PTCRA: variants seen among roughly 807,000 people sequenced by gnomAD.
The protein encoded by PTCRA is pre T cell antigen receptor alpha.
A neutral mutation model predicts 13.4 loss-of-function variants in PTCRA; 9 were observed. The ratio of observed to expected loss-of-function variants is 0.67; its 90% CI spans 0.41 to 1.18. The LOEUF (loss-of-function observed/expected upper bound fraction) is 1.18. Ranked by LOEUF, PTCRA falls within the 50% of genes most tolerant of loss-of-function variation. PTCRA has a pLI of 0.01. For missense variants in PTCRA, 353 were observed against 359.8 expected (o/e 0.98, Z 0.15); for synonymous variants, 153 against 161.9 (o/e 0.94, Z 0.42).
intron 1 of PTCRA, among the ~76,000 whole-genome samples, chr6:42,922,750 A>AG (rs1207149066): frequency 6.6e-6 from 1 of 151,174 alleles, no homozygotes; most frequent in Admixed American, 6.6e-5. Context: ...AAAAAAAAAA[A>AG]AAAGAAAGAA....
chr6:42,925,223 C>A lies in PTCRA; in HGVS notation c.425-38C>A, dbSNP rs368405128. ...CGTTCTCTCCTGGGGTAGGGGGCTG[C>A]GGGCTCCTGCGGGCTCCTGAGCGGT... On this transcript the variant is annotated intron_variant, in intron 3 of 3. Coordinates refer to ENST00000304672, the MANE Select transcript of PTCRA (RefSeq NM_138296.3). The surrounding 1 kb of genome is among the most constrained non-coding windows in gnomAD (Gnocchi z 4.4). 3 of 1,552,764 alleles carry A rather than the reference C, an allele frequency of 1.9e-6. No homozygotes were observed. Among genetic ancestry groups the A allele is most frequent in the Admixed American group, 1.8e-5 (1 of 54,078 alleles).
At chr6:42,922,197 C>T in intron 1 of PTCRA, 1 of 699,516 alleles carries the variant, frequency 1.4e-6, no homozygotes, top group Non-Finnish European at 2.6e-6. Flanking sequence ...ATATTTGAAG[C>T]CCCTTCTAAT....
chr6:42,925,288 G>A lies in PTCRA; in HGVS notation c.452G>A (p.Gly151Glu). 2 of 1,590,602 alleles carry A rather than the reference G, an allele frequency of 1.3e-6. No individual in the cohort carries two copies. The highest frequency in any genetic ancestry group is 1.7e-6 in the Non-Finnish European group (2 of 1,175,562). The change falls in exon 4 of 4, where the codon GGG (glycine) becomes GAG (glutamate). Residue 151 changes from glycine to glutamate, a missense_variant. Transcript: ENST00000304672. This position sits in a 1 kb window ranked among gnomAD's most constrained non-coding sequence, Gnocchi z 4.4. Reference sequence around the variant, plus strand: ...ACACCGGGTGGGGCGCTGTGGCTGGGGGTCCTGCGGCTGCTGCTCTTCAAG... The same window carrying A: ...ACACCGGGTGGGGCGCTGTGGCTGGAGGTCCTGCGGCTGCTGCTCTTCAAG... ...RGTPGGALWL[G>E]VLRLLLFKLL...
At chr6:42,920,463 C>T (rs961827542) in intron 1 of PTCRA, among the ~76,000 whole-genome samples, 4 of 151,298 alleles carry the variant, frequency 2.6e-5, no homozygotes, top group Non-Finnish European at 4.4e-5. Context: ...CTTGCTCTGT[C>T]GCCCAGGCTG....
chr6:42,923,505 C>A (rs1767291777), intron 2 of PTCRA, among the ~76,000 whole-genome samples, 158 bp downstream of exon 2: 1 of 152,174 alleles, frequency 6.6e-6, no homozygotes. Context: ...GGGAGAGTGG[C>A]CTCAGGGCCA....
At position 42,916,143 on chromosome 6, in the gene PTCRA, G is replaced by T; in HGVS notation, c.58+16G>T. 6.2e-7 allele frequency: 1 copy of T among 1,613,040 alleles called. No individual in the cohort carries two copies. Among genetic ancestry groups the T allele is most frequent in the Non-Finnish European group, 8.5e-7 (1 of 1,179,132 alleles). On this transcript the variant is annotated intron_variant, in intron 1 of 3. Coordinates refer to ENST00000304672, the MANE Select transcript of PTCRA (RefSeq NM_138296.3). ...CTACCCACAGGTGAGCCCCCTCTTT[G>T]CCTTCCTCTCTGTCCCTCCTCAGTC...
chr6:42,917,904 A>G (rs910306945), intron 1 of PTCRA, among the ~76,000 whole-genome samples: 2 of 152,154 alleles, frequency 1.3e-5, no homozygotes, highest in East Asian at 3.9e-4. Flanking sequence ...TTGTTCCTTC[A>G]ACCTAAATAA....
chr6:42,923,318 G>A lies in PTCRA; in HGVS notation c.350G>A (p.Ser117Asn), dbSNP rs748599249. 5.0e-6 allele frequency: 8 copies of A among 1,614,184 alleles called. No individual in the cohort carries two copies. In the East Asian group the frequency reaches 6.7e-5, roughly 13 times the overall value. Residue 117 changes from serine to asparagine, a missense_variant, in exon 2 of 4, where the codon AGC becomes AAC. Physicochemically the swap from Ser to Asn is conservative, Grantham distance 46 (BLOSUM62 1). Transcript: ENST00000304672. ...CHTGPGAEGHSRSTQPMHLSG... is the reference protein window; with the variant it reads ...CHTGPGAEGHNRSTQPMHLSG... ...ACTGGGCCTGGGGCTGAGGGTCACA[G>A]CAGGAGTACACAGCCCATGCATCTG...
chr6:42,918,828 C>T (rs182916312), intron 1 of PTCRA, among the ~76,000 whole-genome samples: 6,440 of 145,434 alleles, frequency 0.044, 444 homozygotes, highest in African/African-American at 0.15. Flanking sequence ...CTCGCACTGT[C>T]GCCCAGGCTG....
At chr6:42,920,428 A>G (rs1697150033) in intron 1 of PTCRA, among the ~76,000 whole-genome samples, 1 of 151,382 alleles carries the variant, frequency 6.6e-6, no homozygotes, top group African/African-American at 2.4e-5. Flanking sequence ...TCTTTCTTTT[A>G]TTTTTATTTT....
chr6:42,917,954 A>T (rs1471928382), intron 1 of PTCRA, among the ~76,000 whole-genome samples: 1 of 152,068 alleles, frequency 6.6e-6, no homozygotes, highest in African/African-American at 2.4e-5. Context: ...AACAAAACAA[A>T]CAAAAAGAGT....
chr6:42,924,326 G>A, intron 3 of PTCRA, 53 bp downstream of exon 3: 2 of 1,544,786 alleles, frequency 1.3e-6, no homozygotes, highest in Non-Finnish European at 1.8e-6. Flanking sequence ...CAGGACCTTG[G>A]GCCCGGGGGG....
chr6:42,921,006 AG>A (rs561701462), intron 1 of PTCRA, among the ~76,000 whole-genome samples: 1,796 of 152,004 alleles, frequency 0.012, 9 homozygotes, highest in Non-Finnish European at 0.017. Flanking sequence ...CATGTTGGCC[AG>A]GGTGTTCTCG....
Position 42,924,265 on chromosome 6 carries a change from C to G in PTCRA, c.416C>G (p.Pro139Arg), listed in dbSNP as rs1472406155. The change falls in exon 3 of 4, where the codon CCT becomes CGT. Residue 139 changes from proline to arginine, a missense_variant. Physicochemically the swap from Pro to Arg is moderately radical, Grantham distance 103 (BLOSUM62 -2). Transcript: ENST00000304672. ...ACAGCCAGGACCTGCCCCCAGGAGC[C>G]TCTCAGGGGTGAGTACTCCGGGCAA... ...ASTARTCPQEPLRGTPGGALW... is the reference protein window; with the variant it reads ...ASTARTCPQERLRGTPGGALW... 5 of 1,612,030 alleles carry G rather than the reference C, an allele frequency of 3.1e-6. No individual in the cohort carries two copies. The South Asian group carries it at 4.4e-5, about 14-fold the overall frequency.
At chr6:42,924,371 C>T in intron 3 of PTCRA, 98 bp downstream of exon 3, 1 of 1,003,144 alleles carries the variant, frequency 1.0e-6, no homozygotes, top group East Asian at 2.5e-5. Context: ...GGGTCTTACA[C>T]TGGAGGTCAG....
chr6:42,917,412 C>T (rs1473270980), intron 1 of PTCRA, among the ~76,000 whole-genome samples: 7 of 147,706 alleles, frequency 4.7e-5, no homozygotes, highest in East Asian at 2.0e-4. Flanking sequence ...TTAGTACAGA[C>T]GGAGTTTCAC....
At chr6:42,916,284 G>C (rs773592591) in intron 1 of PTCRA, among the ~76,000 whole-genome samples, 157 bp downstream of exon 1, 30 of 151,948 alleles carry the variant, frequency 2.0e-4, no homozygotes, top group Non-Finnish European at 3.1e-4. Flanking sequence ...GGGGACCTCT[G>C]GGGAGGGGAC....
intron 1 of PTCRA, chr6:42,922,359 T>A (rs1439261618): frequency 6.1e-6 from 4 of 655,790 alleles, no homozygotes; most frequent in Non-Finnish European, 1.1e-5. Context: ...TATCTCTAGT[T>A]CCTGGAACAG....
rs764983525 is a variant in PTCRA, at chr6:42,925,711, A to T, written c.*29A>T. 9.6e-6 allele frequency: 14 copies of T among 1,451,682 alleles called. No homozygotes were observed. The East Asian group carries it at 3.2e-4, about 34-fold the overall frequency. The allele number at this position is 1,451,682 out of a possible 1,614,324, so 89.9% of individuals were successfully genotyped here. On this transcript the variant is annotated 3_prime_UTR_variant, in exon 4 of 4. Coordinates refer to ENST00000304672, the MANE Select transcript of PTCRA (RefSeq NM_138296.3). The surrounding 1 kb of genome is among the most constrained non-coding windows in gnomAD (Gnocchi z 4.4). ...CAGGGCTCTACCTCCCCTGCGTCAC[A>T]CTGTGTGAGGCTGTGTCTCTGCCAT...
Sources: gnomAD v4.1 joint callset for allele counts (sites outside exome capture counted in the v4.1 genomes callset) on GRCh38, gnomAD v4.1.1 for gene constraint, Gnocchi (gnomAD v3.1) non-coding constraint, MANE v1.5 for transcripts, NCBI Gene and HGNC (gene_info 2026-07-23, HGNC 2026-07-21) for gene names.